GLI3: variants seen among roughly 807,000 people sequenced by gnomAD.
GLI3 encodes the protein GLI family zinc finger 3.
Under a neutral mutation model 100.8 loss-of-function variants are expected in GLI3, and 20 were observed. That is an observed-to-expected ratio of 0.20 (90% CI 0.14 to 0.29). The LOEUF is 0.29. GLI3 is among the 10% of genes least tolerant of loss of function. The pLI is 1.00. For synonymous variants in GLI3, 938 were observed against 860.5 expected (o/e 1.09, Z -1.58); for missense variants, 2,040 against 2,128.5 (o/e 0.96, Z 0.82).
At chr7:42,233,167 T>C (rs923730237) in intron 1 of GLI3, among the ~76,000 whole-genome samples, 11 of 152,210 alleles carry the variant, frequency 7.2e-5, no homozygotes, top group African/African-American at 2.4e-4. Context: ...ATAATAATTA[T>C]GGCAATTTTT....
At chr7:42,182,091 T>A (rs1030514674) in intron 2 of GLI3, among the ~76,000 whole-genome samples, 3 of 152,138 alleles carry the variant, frequency 2.0e-5, no homozygotes, top group African/African-American at 7.2e-5. Context: ...TCCAGGAATC[T>A]CTTGGATTCT....
Position 41,968,721 on chromosome 7 carries a change from A to AAAG in GLI3, c.2104-801_2104-799dup, listed in dbSNP as rs1231304496. Among the ~76,000 whole-genome samples, 51 of 103,246 alleles carry AAAG rather than the reference A, an allele frequency of 4.9e-4. 1 individual carries two copies. The highest frequency in any genetic ancestry group is 4.4e-3 in the Middle Eastern group (1 of 226). 67.7% of individuals were successfully genotyped at this position (103,246 alleles called of 152,430 possible). A position where few individuals can be genotyped will look rare whatever the true frequency, so the allele number is the denominator to read the frequency against. On this transcript the variant is annotated intron_variant, in intron 13 of 14. Coordinates refer to ENST00000395925, the MANE Select transcript of GLI3 (RefSeq NM_000168.6). ...AGAAAGAAAGAAAGAAAGAAGAAAG[A>AAAG]AAGAAAGAAAGAAAGAAAGAAAGAA...
intron 12 of GLI3, among the ~76,000 whole-genome samples, chr7:41,976,569 T>C (rs1351886659): frequency 6.6e-6 from 1 of 152,208 alleles, no homozygotes; most frequent in African/African-American, 2.4e-5. Context: ...CATGAATGTG[T>C]TTGACCTGCA....
At chr7:42,129,729 G>C (rs1269869698) in intron 3 of GLI3, among the ~76,000 whole-genome samples, 1 of 152,112 alleles carries the variant, frequency 6.6e-6, no homozygotes, top group East Asian at 1.9e-4. Flanking sequence ...AGAACTGCTT[G>C]AACCCGGGAG....
chr7:42,259,142 G>A lies in GLI3; in HGVS notation c.-43+4852C>T, dbSNP rs141412287. Among the ~76,000 whole-genome samples, 418 of 152,226 alleles carry A rather than the reference G, an allele frequency of 2.7e-3. 2 individuals carry two copies. The highest frequency in any genetic ancestry group is 9.6e-3 in the African/African-American group (398 of 41,534). On this transcript the variant is annotated intron_variant, in intron 1 of 2. Transcript: ENST00000678978. ...CTAGTTCCAAGCTTAGCTAAGGAAC[G>A]GTTTCGTTGTTTTTAGCATGCTTTC...
intron 10 of GLI3, among the ~76,000 whole-genome samples, chr7:42,016,918 T>G (rs1279647201): frequency 6.6e-6 from 1 of 152,206 alleles, no homozygotes; most frequent in African/African-American, 2.4e-5. Flanking sequence ...ACTATGCTTT[T>G]ATGTTTCCTT....
At chr7:42,137,419 G>A (rs1425651085) in intron 3 of GLI3, among the ~76,000 whole-genome samples, 3 of 152,014 alleles carry the variant, frequency 2.0e-5, no homozygotes, top group Non-Finnish European at 2.9e-5. Context: ...CCAACCCCTG[G>A]CCAATGACCA....
intron 3 of GLI3, among the ~76,000 whole-genome samples, chr7:42,136,848 G>A (rs946255494): frequency 8.5e-5 from 13 of 152,124 alleles, no homozygotes; most frequent in African/African-American, 2.4e-4. Context: ...TGGGTTCCAG[G>A]ACATAGTTTC....
intron 2 of GLI3, among the ~76,000 whole-genome samples, chr7:42,198,209 A>G (rs1177754998): frequency 6.6e-6 from 1 of 152,226 alleles, no homozygotes; most frequent in Non-Finnish European, 1.5e-5. Context: ...TGGTTCTTAC[A>G]TTCTGCACAG....
chr7:41,965,727 G>C lies in GLI3; in HGVS notation c.3346C>G (p.Leu1116Val). The C allele has an allele frequency of 1.2e-6, 2 of 1,613,714 alleles. No individual in the cohort carries two copies. The highest frequency in any genetic ancestry group is 1.7e-6 in the Non-Finnish European group (2 of 1,179,924). Residue 1116 changes from leucine to valine, a missense_variant, in exon 15 of 15, where the codon CTC becomes GTC. Coordinates refer to ENST00000395925, the MANE Select transcript of GLI3 (RefSeq NM_000168.6). ...TGGGGCACTTTGCTGTCGTCCGGGA[G>C]GGCGCTGGGGAAGTGCTGCTCGTAC... ...AGYEQHFPSA[L>V]PDDSKVPHGP...
chr7:42,083,531 G>A (rs938271329), intron 3 of GLI3, among the ~76,000 whole-genome samples: 6 of 151,972 alleles, frequency 3.9e-5, no homozygotes, highest in African/African-American at 7.3e-5. Context: ...GCTTTCCCAC[G>A]CCAACAACAG....
chr7:42,017,310 T>C (rs1788792906), intron 10 of GLI3, among the ~76,000 whole-genome samples: 1 of 152,180 alleles, frequency 6.6e-6, no homozygotes, highest in South Asian at 2.1e-4. Flanking sequence ...CTAAAAAGCT[T>C]TCAATAGGAA....
At chr7:42,024,993 G>A (rs1038621276) in intron 9 of GLI3, among the ~76,000 whole-genome samples, 14 of 152,204 alleles carry the variant, frequency 9.2e-5, no homozygotes, top group Admixed American at 5.2e-4. Flanking sequence ...AACTACAGTT[G>A]CCAATACTCC....
chr7:42,180,354 G>A (rs1787568120), intron 2 of GLI3, among the ~76,000 whole-genome samples: 1 of 152,350 alleles, frequency 6.6e-6, no homozygotes, highest in African/African-American at 2.4e-5. Flanking sequence ...GGGTTCAAAA[G>A]AGAATGGCTG....
At chr7:42,074,020 G>A (rs1344819107) in intron 4 of GLI3, among the ~76,000 whole-genome samples, 1 of 152,148 alleles carries the variant, frequency 6.6e-6, no homozygotes, top group African/African-American at 2.4e-5. Flanking sequence ...GATCACAGGT[G>A]TCTACTTATC....
At position 41,965,985 on chromosome 7, in the gene GLI3, A is replaced by AGCTGCTGAG. The variant is rs779154125; in HGVS notation, c.3079_3087dup (p.Leu1027_Ser1029dup). 8.1e-6 allele frequency: 13 copies of AGCTGCTGAG among 1,605,838 alleles called. No homozygotes were observed. The African/African-American group carries it at 1.7e-4, about 21-fold the overall frequency. On this transcript the variant is annotated inframe_insertion, in exon 15 of 15. Transcript: ENST00000395925. ...GACGTGGCCATCGCCGGGGGGTTGC[A>AGCTGCTGAG]GCTGCTGAGGCTGCTGAAGCGCGGC...
rs765195945 is a variant in GLI3 at position 42,225,855 on chromosome 7, C to T, written c.-42-2560G>A. On this transcript the variant is annotated intron_variant, in intron 1 of 14. Transcript: ENST00000395925. ...GGAAAAGTCTGTGCTGAACATCCAC[C>T]TCCCCTTTCCAGGCTGTATGCTCCA... 2.0e-5 allele frequency among the ~76,000 whole-genome samples: 3 copies of T among 152,160 alleles called. No individual in the cohort carries two copies. The South Asian group carries it at 6.2e-4, about 31-fold the overall frequency.
intron 3 of GLI3, among the ~76,000 whole-genome samples, chr7:42,129,208 A>G (rs908827642): frequency 6.6e-6 from 1 of 152,210 alleles, no homozygotes; most frequent in Non-Finnish European, 1.5e-5. Context: ...CCATGATGTC[A>G]GAGCTACTCC....
chr7:42,218,238 T>C (rs914616917), intron 2 of GLI3, among the ~76,000 whole-genome samples: 1 of 152,080 alleles, frequency 6.6e-6, no homozygotes, highest in African/African-American at 2.4e-5. Flanking sequence ...CTATGTTCTT[T>C]ATGGCGTGAA....
Sources: gnomAD v4.1 joint callset for allele counts (sites outside exome capture counted in the v4.1 genomes callset) on GRCh38, gnomAD v4.1.1 for gene constraint, MANE v1.5 for transcripts, NCBI Gene and HGNC (gene_info 2026-07-23, HGNC 2026-07-21) for gene names.